PCDHA6: variants seen among roughly 807,000 people sequenced by gnomAD.
PCDHA6 encodes the protein protocadherin alpha-6.
Under a neutral mutation model 60.3 loss-of-function variants are expected in PCDHA6, and 55 were observed. The ratio of observed to expected loss-of-function variants is 0.91; its 90% CI spans 0.73 to 1.14. The LOEUF (loss-of-function observed/expected upper bound fraction) is 1.14, where lower values mean the gene tolerates loss of function less well. Ranked by LOEUF, PCDHA6 falls within the 50% of genes most tolerant of loss-of-function variation. PCDHA6 has a pLI of 0.00. For missense variants in PCDHA6, 1,327 were observed against 1,256.5 expected (o/e 1.06, Z -0.85); for synonymous variants, 652 against 557.9 (o/e 1.17, Z -2.38).
chr5:140,858,574 T>C (rs1415497561), intron 1 of PCDHA6: 12 of 1,357,674 alleles, frequency 8.8e-6, no homozygotes, highest in Non-Finnish European at 1.0e-5. Context: ...GTGATACCTT[T>C]GTAATATAAT....
At chr5:140,877,438 G>A (rs1554169741) in intron 1 of PCDHA6, 1 of 1,613,892 alleles carries the variant, frequency 6.2e-7, no homozygotes, top group South Asian at 1.1e-5. Context: ...GGACCACGGT[G>A]AGCCCGCGCT....
At chr5:140,875,893 C>T (rs781840611) in intron 1 of PCDHA6, 1 of 1,614,140 alleles carries the variant, frequency 6.2e-7, no homozygotes, top group Non-Finnish European at 8.5e-7. Flanking sequence ...ACAAAAGGTA[C>T]CTGTTTCTGA....
chr5:140,915,077 C>G (rs2076970768), intron 1 of PCDHA6, among the ~76,000 whole-genome samples: 1 of 151,656 alleles, frequency 6.6e-6, no homozygotes. Flanking sequence ...TACTGAGTAG[C>G]TGGGACTATG....
chr5:140,929,665 AGAAT>A (rs2086286980), intron 1 of PCDHA6: 2 of 332,822 alleles, frequency 6.0e-6, no homozygotes, highest in East Asian at 1.0e-4. Flanking sequence ...TTTAAAGTGA[AGAAT>A]GAAAAATATG....
chr5:140,842,441 G>T (rs1554139039), intron 1 of PCDHA6: 3 of 1,613,636 alleles, frequency 1.9e-6, no homozygotes, highest in Non-Finnish European at 2.5e-6. Flanking sequence ...CCTAATTAGC[G>T]TGAACGACCT....
intron 3 of PCDHA6, among the ~76,000 whole-genome samples, chr5:141,008,863 C>T (rs902385521): frequency 6.6e-6 from 1 of 152,204 alleles, no homozygotes. Flanking sequence ...CTCTTCCATG[C>T]TGCATCCCAC....
At chr5:140,944,290 C>T (rs912018562) in intron 1 of PCDHA6, among the ~76,000 whole-genome samples, 8 of 152,124 alleles carry the variant, frequency 5.3e-5, no homozygotes, top group African/African-American at 9.7e-5. Flanking sequence ...CGGGCTCAAG[C>T]GATCCTCCTA....
chr5:140,906,965 G>T (rs1273243518), intron 1 of PCDHA6, among the ~76,000 whole-genome samples: 1 of 152,124 alleles, frequency 6.6e-6, no homozygotes, highest in Non-Finnish European at 1.5e-5. Flanking sequence ...ATGGAATCGT[G>T]GTTGTGTCTT....
intron 2 of PCDHA6, among the ~76,000 whole-genome samples, chr5:140,979,323 T>C (rs2096844622): frequency 6.6e-6 from 1 of 152,180 alleles, no homozygotes; most frequent in Non-Finnish European, 1.5e-5. Context: ...TATGCTTTCT[T>C]TTCCTCCTTT....
At chr5:140,987,050 C>G (rs781947211) in intron 3 of PCDHA6, among the ~76,000 whole-genome samples, 34 of 151,840 alleles carry the variant, frequency 2.2e-4, no homozygotes, top group Non-Finnish European at 2.5e-4. Context: ...CCCATCTCTA[C>G]TAAAGTTACA....
intron 1 of PCDHA6, among the ~76,000 whole-genome samples, chr5:140,837,700 C>A (rs1554136606): frequency 1.3e-5 from 2 of 151,152 alleles, no homozygotes; most frequent in Non-Finnish European, 2.9e-5. Flanking sequence ...TCAAGACACG[C>A]TCTCACTCCA....
chr5:140,969,424 G>A (rs1554231783), intron 1 of PCDHA6: 1 of 1,558,342 alleles, frequency 6.4e-7, no homozygotes, highest in South Asian at 1.2e-5. Context: ...GTCATTAACA[G>A]TGACAAGAGT....
rs2040583064 is a variant in PCDHA6, at chr5:140,848,750, T to A, written c.2394+18265T>A. ...TAAATCTGCAGAATGGCATTTTGTT[T>A]GTGAATTCTCGGATCGACCGCGAGG... is the stretch of plus-strand genomic sequence containing the variant. On this transcript the variant is annotated intron_variant, in intron 1 of 3. Coordinates refer to ENST00000529310, the MANE Select transcript of PCDHA6 (RefSeq NM_018909.4). 5 of 1,593,288 alleles carry A rather than the reference T, an allele frequency of 3.1e-6. 1 individual carries two copies. The highest frequency in any genetic ancestry group is 4.3e-6 in the Non-Finnish European group (5 of 1,163,954).
chr5:140,884,160 T>G lies in PCDHA6; in HGVS notation c.2394+53675T>G. 2 of 1,613,366 alleles carry G rather than the reference T, an allele frequency of 1.2e-6. No homozygotes were observed. The highest frequency in any genetic ancestry group is 1.7e-6 in the Non-Finnish European group (2 of 1,179,734). Reference sequence around the variant, plus strand: ...CGCGTGGGGCTGTACACTGGCGAGATCAGCACGACGCGCCCTCTGGACGAG... The same window carrying G: ...CGCGTGGGGCTGTACACTGGCGAGAGCAGCACGACGCGCCCTCTGGACGAG... On this transcript the variant is annotated intron_variant, in intron 1 of 3. Coordinates refer to ENST00000529310, the MANE Select transcript of PCDHA6 (RefSeq NM_018909.4).
intron 1 of PCDHA6, chr5:140,851,142 C>T: frequency 7.6e-7 from 1 of 1,309,246 alleles, no homozygotes; most frequent in Non-Finnish European, 9.9e-7. Flanking sequence ...ATTAAAGTGA[C>T]ATTGAATTTC....
intron 1 of PCDHA6, chr5:140,863,349 G>T: frequency 7.7e-7 from 1 of 1,302,266 alleles, no homozygotes. Flanking sequence ...TGCTGTACAC[G>T]ACGCTGCGGT....
At chr5:140,916,009 C>CA (rs541727470) in intron 1 of PCDHA6, among the ~76,000 whole-genome samples, 78 of 152,190 alleles carry the variant, frequency 5.1e-4, no homozygotes, top group Non-Finnish European at 9.6e-4. Flanking sequence ...AACCACAAGA[C>CA]AAAGTCTTTC....
In PCDHA6 at chr5:140,830,599, CAT is replaced by C. The variant is rs1289049837; in HGVS notation, c.2394+117_2394+118del. On this transcript the variant is annotated intron_variant, in intron 1 of 3. Coordinates refer to ENST00000529310, the MANE Select transcript of PCDHA6 (RefSeq NM_018909.4). ...ATTTTTAATTAATTTTACAAAATTA[CAT>C]ATTTTCATTTTATTGTGTTTCTTAT... The C allele has an allele frequency of 6.0e-6, 4 of 668,838 alleles. No individual in the cohort carries two copies. The African/African-American group carries it at 7.6e-5, about 13-fold the overall frequency. The allele number at this position is 668,838 out of a possible 1,614,324, so 41.4% of individuals were successfully genotyped here. A position where few individuals can be genotyped will look rare whatever the true frequency, so the allele number is the denominator to read the frequency against.
rs1368212237 is a variant in PCDHA6 at position 140,829,797 on chromosome 5, G to A, written c.1706G>A (p.Arg569Gln). 1.8e-5 allele frequency: 29 copies of A among 1,613,734 alleles called. No individual in the cohort carries two copies. The highest frequency in any genetic ancestry group is 2.4e-5 in the Non-Finnish European group (28 of 1,179,884). Reference sequence around the variant, plus strand: ...AACGCGCCGGCGCTGCTGGCGCCTCGGGTGGGTGGTACTGGTGGTGCAGTG... The same window carrying A: ...AACGCGCCGGCGCTGCTGGCGCCTCAGGTGGGTGGTACTGGTGGTGCAGTG... ...NDNAPALLAP[R>Q]VGGTGGAVSE... Residue 569 changes from arginine (R) to glutamine (Q), a missense_variant, in exon 1 of 4, where the codon CGG becomes CAG. By Grantham distance (43) the Arg-to-Gln change is conservative. Coordinates refer to ENST00000529310, the MANE Select transcript of PCDHA6 (RefSeq NM_018909.4).
Sources: allele counts gnomAD v4.1 joint callset (sites outside exome capture counted in the v4.1 genomes callset), GRCh38; gene constraint gnomAD v4.1.1; transcripts MANE v1.5; gene names NCBI Gene and HGNC (gene_info 2026-07-23, HGNC 2026-07-21).